The following TULP4 variants were observed in gnomAD, a reference collection of about 807,000 sequenced individuals.
TULP4 encodes the protein TUB like protein 4.
TULP4 carries 16 observed loss-of-function variants against 129.0 expected under a neutral mutation model. The ratio of observed to expected loss-of-function variants is 0.12; its 90% CI spans 0.08 to 0.19. TULP4 has a LOEUF of 0.19. TULP4 is among the 10% of genes least tolerant of loss of function. The pLI is 1.00. For synonymous variants in TULP4, 998 were observed against 854.0 expected (o/e 1.17, Z -2.94); for missense variants, 1,842 against 2,059.1 (o/e 0.89, Z 2.04).
At chr6:158,266,762 A>G (rs1778455038) in intron 1 of TULP4, among the ~76,000 whole-genome samples, 1 of 152,222 alleles carries the variant, frequency 6.6e-6, no homozygotes, top group Admixed American at 6.5e-5. Context: ...ATAATATGCC[A>G]TTTTATATGA....
chr6:158,309,627 G>A (rs1044653279), upstream of TULP4, among the ~76,000 whole-genome samples: 2 of 152,138 alleles, frequency 1.3e-5, no homozygotes, highest in Admixed American at 6.5e-5. Flanking sequence ...ACCAGACTCC[G>A]TCTGCAATCC....
intron 1 of TULP4, among the ~76,000 whole-genome samples, chr6:158,253,659 CCT>C (rs967514622): frequency 3.3e-5 from 5 of 151,972 alleles, no homozygotes; most frequent in African/African-American, 1.2e-4. Flanking sequence ...AATAATCTCC[CCT>C]CTTTCTAACT....
chr6:158,363,062 C>CA (rs11373437), intron 1 of TULP4, among the ~76,000 whole-genome samples: 59,918 of 87,768 alleles, frequency 0.68, 20,063 homozygotes, highest in East Asian at 0.85. Context: ...GACTCCATCT[C>CA]AAAAAAAAAA....
At chr6:158,328,079 G>GGT (rs766393090) in intron 1 of TULP4, among the ~76,000 whole-genome samples, 4,367 of 120,386 alleles carry the variant, frequency 0.036, 147 homozygotes, top group East Asian at 0.063. Flanking sequence ...TCTCAGAGCT[G>GGT]GTGTGTGTGT....
intron 1 of TULP4, among the ~76,000 whole-genome samples, chr6:158,233,386 A>G (rs1056217940): frequency 1.3e-5 from 2 of 152,204 alleles, no homozygotes; most frequent in African/African-American, 4.8e-5. Flanking sequence ...GCACAGAGGA[A>G]GTTATTTCTA....
chr6:158,326,696 GT>G (rs1426753450), intron 1 of TULP4, among the ~76,000 whole-genome samples: 2 of 152,170 alleles, frequency 1.3e-5, no homozygotes, highest in Non-Finnish European at 2.9e-5. Flanking sequence ...CATTTCCAGA[GT>G]TTTTAGAAGC....
At chr6:158,255,502 G>A (rs1778227122) in intron 1 of TULP4, among the ~76,000 whole-genome samples, 1 of 152,128 alleles carries the variant, frequency 6.6e-6, no homozygotes, top group Non-Finnish European at 1.5e-5. Context: ...ATTAGTGGGA[G>A]GTCTGTCCAG....
intron 13 of TULP4, among the ~76,000 whole-genome samples, chr6:158,505,938 T>G (rs1582889066): frequency 6.6e-6 from 1 of 150,732 alleles, no homozygotes; most frequent in African/African-American, 2.4e-5. Context: ...TAATGGGGGG[T>G]GGGCTTCTAG....
At chr6:158,278,931 G>GTT (rs1389156177), upstream of TULP4, among the ~76,000 whole-genome samples, 132 of 96,044 alleles carry the variant, frequency 1.4e-3, no homozygotes, top group Non-Finnish European at 1.7e-3. Flanking sequence ...CATAGTTGTT[G>GTT]TTTTTTTTTG....
At chr6:158,364,385 A>G (rs975065901) in intron 1 of TULP4, among the ~76,000 whole-genome samples, 7 of 152,244 alleles carry the variant, frequency 4.6e-5, no homozygotes, top group Admixed American at 4.6e-4. Context: ...AGCTTACTGT[A>G]TCACCTTCTT....
At chr6:158,388,890 CTG>C (rs1410916581) in intron 1 of TULP4, among the ~76,000 whole-genome samples, 1 of 152,148 alleles carries the variant, frequency 6.6e-6, no homozygotes, top group East Asian at 1.9e-4. Flanking sequence ...CAGAAGCACT[CTG>C]TGGTGACAGC....
chr6:158,431,500 G>A (rs984596187), intron 3 of TULP4, among the ~76,000 whole-genome samples: 2 of 152,180 alleles, frequency 1.3e-5, no homozygotes, highest in African/African-American at 4.8e-5. Flanking sequence ...GGGACCCACT[G>A]GGGATACAGC....
intron 1 of TULP4, among the ~76,000 whole-genome samples, chr6:158,365,023 C>A (rs1210771890): frequency 6.6e-6 from 1 of 152,042 alleles, no homozygotes; most frequent in Non-Finnish European, 1.5e-5. Context: ...GCGTGAGCCA[C>A]CGCGCCCAGC....
At position 158,417,365 on chromosome 6, in the gene TULP4, C is replaced by T. The variant is rs142651196; in HGVS notation, c.381+4172C>T. On this transcript the variant is annotated intron_variant, in intron 2 of 13. Coordinates refer to ENST00000367097, the MANE Select transcript of TULP4 (RefSeq NM_020245.5). ...TGGAGGCAAATGAGCTTCCCTGGGC[C>T]ACAGAACATCTGGAAGCACCCAGAA... Among the ~76,000 whole-genome samples, 61 of 152,264 alleles carry T rather than the reference C, an allele frequency of 4.0e-4. 1 individual carries two copies. The East Asian group carries it at 0.011, about 28-fold the overall frequency.
Position 158,242,109 on chromosome 6 carries a change from C to G in TULP4, n.68+9806C>G, listed in dbSNP as rs896376058. ...GTTGCAGAGCCTCCTCTGTTTGACC[C>G]TGAAGCTGCAGAATATAGGCCATCT... On this transcript the variant is annotated intron_variant and non_coding_transcript_variant, in intron 1 of 1. Coordinates refer to the TULP4 transcript ENST00000620026. The G allele has an allele frequency of 9.4e-6, 8 of 847,416 alleles. No individual in the cohort carries two copies. In the African/African-American group the frequency reaches 1.2e-4, roughly 12 times the overall value. 52.5% of individuals were successfully genotyped at this position (847,416 alleles called of 1,614,324 possible).
intron 1 of TULP4, among the ~76,000 whole-genome samples, chr6:158,373,268 C>T (rs971141527): frequency 1.3e-5 from 2 of 152,168 alleles, no homozygotes; most frequent in Non-Finnish European, 2.9e-5. Context: ...TCAGTCAACC[C>T]TCCAAGGCAG....
chr6:158,321,900 T>G (rs938098492), intron 1 of TULP4, among the ~76,000 whole-genome samples: 3 of 152,214 alleles, frequency 2.0e-5, no homozygotes, highest in African/African-American at 7.2e-5. Flanking sequence ...CACATCTTAA[T>G]TCCAAAAAGG....
At chr6:158,322,913 T>C (rs1194254320) in intron 1 of TULP4, among the ~76,000 whole-genome samples, 2 of 152,222 alleles carry the variant, frequency 1.3e-5, no homozygotes, top group South Asian at 2.1e-4. Context: ...TTCCTAGAGA[T>C]TGTGTGGTGA....
chr6:158,246,023 GGTGTGTGTGTGTGTGTGT>G (rs66690741), intron 1 of TULP4, among the ~76,000 whole-genome samples: 3 of 145,822 alleles, frequency 2.1e-5, no homozygotes, highest in African/African-American at 5.1e-5. Context: ...ACCCCTTAGG[GGTGTGTGTGTGTGTGTGT>G]GTGTGTGTGT....
Sources: allele counts gnomAD v4.1 joint callset (sites outside exome capture counted in the v4.1 genomes callset), GRCh38; gene constraint gnomAD v4.1.1; transcripts MANE v1.5; gene names NCBI Gene and HGNC (gene_info 2026-07-23, HGNC 2026-07-21).